Variants in FBLN5 observed in about 807,000 individuals in gnomAD.
The protein encoded by FBLN5 is fibulin 5.
FBLN5 carries 24 observed loss-of-function variants against 61.6 expected under a neutral mutation model. The observed-to-expected ratio is 0.39, with a 90% CI of 0.28 to 0.55. FBLN5 has a LOEUF of 0.55. FBLN5 is among the 20% of genes least tolerant of loss of function. FBLN5 has a pLI of 0.65. For missense variants in FBLN5, 470 were observed against 594.1 expected (o/e 0.79, Z 2.17); for synonymous variants, 213 against 219.8 (o/e 0.97, Z 0.27).
chr14:91,894,418 AAAAAAAAAAC>A (rs1233303718), intron 5 of FBLN5, among the ~76,000 whole-genome samples: 6 of 145,308 alleles, frequency 4.1e-5, no homozygotes, highest in Admixed American at 2.1e-4. Flanking sequence ...AAAAAAAAAA[AAAAAAAAAAC>A]CGAAAAAAAC....
chr14:91,946,202 G>A (rs1416372493), intron 1 of FBLN5, among the ~76,000 whole-genome samples: 1 of 151,902 alleles, frequency 6.6e-6, no homozygotes, highest in African/African-American at 2.4e-5. Context: ...ACAGGTTCCA[G>A]GCTAATAGGA....
chr14:91,880,976 A>G (rs1324833435), intron 9 of FBLN5, among the ~76,000 whole-genome samples: 1 of 152,208 alleles, frequency 6.6e-6, no homozygotes, highest in Non-Finnish European at 1.5e-5. Context: ...TTGACAACCT[A>G]CAGTAACACA....
chr14:91,946,745 G>A, intron 1 of FBLN5: 1 of 1,536,018 alleles, frequency 6.5e-7, no homozygotes. Flanking sequence ...CTTCTCATTG[G>A]CTTGAAACTT....
chr14:91,900,167 A>T (rs557037165), intron 4 of FBLN5, among the ~76,000 whole-genome samples: 48 of 152,368 alleles, frequency 3.2e-4, no homozygotes, highest in Non-Finnish European at 5.6e-4. Flanking sequence ...AACATCACAC[A>T]ACCCACTTTT....
At position 91,942,964 on chromosome 14, in the gene FBLN5, G is replaced by A. The variant is rs1393073961; in HGVS notation, c.18-3C>T. 7 of 1,550,814 alleles carry A rather than the reference G, an allele frequency of 4.5e-6. No individual in the cohort carries two copies. The highest frequency in any genetic ancestry group is 5.2e-6 in the Non-Finnish European group (6 of 1,143,558). Reference sequence around the variant, plus strand: ...CCAGAATGGTAACAGTGAGTATCCTGTGGAGGTGAAAAGTCAAATATAAAT... The same window carrying A: ...CCAGAATGGTAACAGTGAGTATCCTATGGAGGTGAAAAGTCAAATATAAAT... On this transcript the variant is annotated splice_region_variant and splice_polypyrimidine_tract_variant and intron_variant, in intron 1 of 10. Coordinates refer to ENST00000342058, the MANE Select transcript of FBLN5 (RefSeq NM_006329.4).
rs1224573197 is a variant in FBLN5 at position 91,943,818 on chromosome 14, G to A, written c.18-857C>T. Among the ~76,000 whole-genome samples the A allele has an allele frequency of 6.6e-6, 1 of 152,068 alleles. No individual in the cohort carries two copies. Among genetic ancestry groups the A allele is most frequent in the African/African-American group, 2.4e-5 (1 of 41,420 alleles). The stretch of plus-strand genomic sequence containing the variant: ...CTGTCCCCTGAAGAGTGTGGCCTGC[G>A]GGAACTGCTGCCAGCAGGTCCTGAT... On this transcript the variant is annotated intron_variant, in intron 1 of 10. Transcript: ENST00000342058. This position sits in a 1 kb window ranked among gnomAD's most constrained non-coding sequence, Gnocchi z 4.0.
chr14:91,931,574 T>A (rs941314180), intron 4 of FBLN5, among the ~76,000 whole-genome samples: 1 of 152,208 alleles, frequency 6.6e-6, no homozygotes, highest in Non-Finnish European at 1.5e-5. Context: ...AATCAAGATA[T>A]TGCTTGTAAT....
At chr14:91,938,234 A>G (rs2056051543) in intron 3 of FBLN5, 1 of 153,376 alleles carries the variant, frequency 6.5e-6, no homozygotes, top group African/African-American at 2.4e-5. Context: ...AGGCAGGTGG[A>G]TCACCTGAGG....
intron 4 of FBLN5, among the ~76,000 whole-genome samples, chr14:91,921,529 G>C (rs191242293): frequency 6.6e-6 from 1 of 152,144 alleles, no homozygotes; most frequent in Non-Finnish European, 1.5e-5. Flanking sequence ...GGCCAGCAGC[G>C]TCAGCATCAC....
intron 5 of FBLN5, among the ~76,000 whole-genome samples, chr14:91,892,569 C>T (rs1890039225): frequency 2.0e-5 from 3 of 152,332 alleles, no homozygotes; most frequent in South Asian, 4.1e-4. Context: ...TACTTCTAAC[C>T]TGGCCACTGC....
rs371088622 is a variant in FBLN5 at position 91,937,128 on chromosome 14, A to G, written c.198T>C (p.Tyr66=). The change falls in exon 4 of 11, where the codon TAT becomes TAC. Residue 66 remains tyrosine (Y), a synonymous_variant. Transcript: ENST00000342058. The stretch of plus-strand genomic sequence containing the variant: ...CAGGGTTTGTCCGGGGAATGCATAA[A>G]TACCCGCCATTTTGGTTAACACACA... The part of the protein sequence containing the change: ...DMMCVNQNGG[Y]LCIPRTNPVY... 9.3e-6 allele frequency: 15 copies of G among 1,614,030 alleles called. No homozygotes were observed. In the African/African-American group the frequency reaches 1.7e-4, roughly 19 times the overall value.
chr14:91,924,604 C>T (rs1428093214), intron 4 of FBLN5, among the ~76,000 whole-genome samples: 1 of 152,020 alleles, frequency 6.6e-6, no homozygotes, highest in Non-Finnish European at 1.5e-5. Flanking sequence ...ATTGCTTGAA[C>T]CCAGGAGATG....
intron 4 of FBLN5, among the ~76,000 whole-genome samples, chr14:91,909,403 T>C (rs1157830446): frequency 5.3e-5 from 8 of 152,188 alleles, no homozygotes; most frequent in African/African-American, 1.9e-4. Context: ...ACTCACCTCA[T>C]AACTGTTAGG....
At chr14:91,884,801 CA>C (rs1889650973) in intron 7 of FBLN5, among the ~76,000 whole-genome samples, 1 of 152,254 alleles carries the variant, frequency 6.6e-6, no homozygotes. Flanking sequence ...TCCCAACTCC[CA>C]CTGGGCAGGG....
In FBLN5 at chr14:91,933,512, C is replaced by T. The variant is rs140095851; in HGVS notation, c.379+3435G>A. On this transcript the variant is annotated intron_variant, in intron 4 of 10. Coordinates refer to ENST00000342058, the MANE Select transcript of FBLN5 (RefSeq NM_006329.4). Reference sequence around the variant, plus strand: ...CGAACTCCTGACCTCAGGTGATCCACCCACCTCGGCCTCCCAAAGTGCTGG... The same window carrying T: ...CGAACTCCTGACCTCAGGTGATCCATCCACCTCGGCCTCCCAAAGTGCTGG... Among the ~76,000 whole-genome samples the T allele has an allele frequency of 1.8e-3, 267 of 152,268 alleles. 6 individuals carry two copies. Among genetic ancestry groups the T allele is most frequent in the Admixed American group, 0.013 (196 of 15,304 alleles).
At chr14:91,873,968 G>A (rs1322423983) in intron 10 of FBLN5, 1 of 152,358 alleles carries the variant, frequency 6.6e-6, no homozygotes, top group Non-Finnish European at 1.5e-5. Context: ...CCCTAATTAT[G>A]ACCCCCAAGC....
At chr14:91,909,908 G>A (rs1245526347) in intron 4 of FBLN5, among the ~76,000 whole-genome samples, 1 of 152,194 alleles carries the variant, frequency 6.6e-6, no homozygotes, top group African/African-American at 2.4e-5. Flanking sequence ...AGGACGTGGA[G>A]AAACTGAACA....
intron 4 of FBLN5, among the ~76,000 whole-genome samples, chr14:91,927,407 C>A (rs2055847643): frequency 6.6e-6 from 1 of 152,200 alleles, no homozygotes; most frequent in Non-Finnish European, 1.5e-5. Context: ...AGAACATCCA[C>A]AGAACATCTG....
At chr14:91,910,292 T>A (rs1035188034) in intron 4 of FBLN5, among the ~76,000 whole-genome samples, 2 of 152,218 alleles carry the variant, frequency 1.3e-5, no homozygotes, top group South Asian at 4.1e-4. Flanking sequence ...AAATACTGTA[T>A]GAGTCCACTT....
Sources: gnomAD v4.1 joint callset for allele counts (sites outside exome capture counted in the v4.1 genomes callset) on GRCh38, gnomAD v4.1.1 for gene constraint, Gnocchi (gnomAD v3.1) non-coding constraint, MANE v1.5 for transcripts, NCBI Gene and HGNC (gene_info 2026-07-23, HGNC 2026-07-21) for gene names.